Variants in ABLIM2 observed in about 807,000 individuals in gnomAD.
The protein encoded by ABLIM2 is actin binding LIM protein family member 2, also known as actin-binding LIM protein 2.
ABLIM2 carries 53 observed loss-of-function variants against 97.7 expected under a neutral mutation model. The ratio of observed to expected loss-of-function variants is 0.54; its 90% CI spans 0.44 to 0.68. ABLIM2 has a LOEUF of 0.68. Among genes scored for constraint, ABLIM2 ranks in the 30% least tolerant of loss-of-function variants. ABLIM2 has a pLI of 0.00. For synonymous variants in ABLIM2, 361 were observed against 345.8 expected (o/e 1.04, Z -0.49); for missense variants, 835 against 867.2 (o/e 0.96, Z 0.47).
rs1426667433 is a variant in ABLIM2, at chr4:8,128,290, AC to A, written c.11-21654del. Among the ~76,000 whole-genome samples the A allele has an allele frequency of 6.6e-6, 1 of 152,076 alleles. No homozygotes were observed. The highest frequency in any genetic ancestry group is 1.5e-5 in the Non-Finnish European group (1 of 68,012). On this transcript the variant is annotated intron_variant, in intron 1 of 20. Transcript: ENST00000447017. The surrounding 1 kb of genome is among the most constrained non-coding windows in gnomAD (Gnocchi z 4.9). ...CCTCATCTCCATCTTTACCATAATT[AC>A]ATACGGAAACACCCAAACAAGGTCA...
At chr4:8,105,934 G>A (rs1329016851) in intron 2 of ABLIM2, among the ~76,000 whole-genome samples, 2 of 150,052 alleles carry the variant, frequency 1.3e-5, no homozygotes, top group Non-Finnish European at 1.5e-5. Flanking sequence ...GGGGCCTCAC[G>A]TGATTTTTTT....
At chr4:8,010,559 A>T (rs528942988) in intron 14 of ABLIM2, 537 of 985,928 alleles carry the variant, frequency 5.4e-4, no homozygotes, top group Non-Finnish European at 6.0e-4. Context: ...CCTTGACAAG[A>T]TAAGGCCAAA....
At position 8,085,454 on chromosome 4, in the gene ABLIM2, T is replaced by C. The variant is rs77730745; in HGVS notation, c.454+2715A>G. Among the ~76,000 whole-genome samples, 15,907 of 152,058 alleles carry C rather than the reference T, an allele frequency of 0.1. 1,293 individuals are homozygous for C. Among genetic ancestry groups the C allele is most frequent in the African/African-American group, 0.22 (9,147 of 41,438 alleles). On this transcript the variant is annotated intron_variant, in intron 4 of 20. Coordinates refer to ENST00000447017, the MANE Select transcript of ABLIM2 (RefSeq NM_001130083.2). The surrounding 1 kb of genome is among the most constrained non-coding windows in gnomAD (Gnocchi z 6.1). ...CCATTCCCATTCCCCGCCCCCACGC[T>C]GCAGCCCCGTCCACTCACACGGGTC...
chr4:7,993,277 G>A (rs1460579312), intron 16 of ABLIM2, among the ~76,000 whole-genome samples: 1 of 152,254 alleles, frequency 6.6e-6, no homozygotes, highest in African/African-American at 2.4e-5. Flanking sequence ...GAGTCAGGAA[G>A]GGGCGCAGTC....
At chr4:8,040,096 T>G (rs1222255292) in intron 9 of ABLIM2, among the ~76,000 whole-genome samples, 1 of 152,148 alleles carries the variant, frequency 6.6e-6, no homozygotes, top group Non-Finnish European at 1.5e-5. Flanking sequence ...TGCATTCCTG[T>G]GCACGTGAAT....
At chr4:8,107,921 G>T (rs1838279355) in intron 1 of ABLIM2, among the ~76,000 whole-genome samples, 1 of 152,178 alleles carries the variant, frequency 6.6e-6, no homozygotes, top group African/African-American at 2.4e-5. Flanking sequence ...ACACATTGCT[G>T]GCTTTGAAGG....
chr4:7,986,621 T>C lies in ABLIM2; in HGVS notation c.1681-1728A>G, dbSNP rs1354720670. Among the ~76,000 whole-genome samples the C allele has an allele frequency of 6.6e-6, 1 of 152,214 alleles. No homozygotes were observed. Among genetic ancestry groups the C allele is most frequent in the African/African-American group, 2.4e-5 (1 of 41,446 alleles). ...GCCTGGACCCTGAGCCAGGGTCCTC[T>C]TGCCTCCACCACTTCACAAAATAAT... On this transcript the variant is annotated intron_variant, in intron 17 of 20. Transcript: ENST00000447017. This position sits in a 1 kb window ranked among gnomAD's most constrained non-coding sequence, Gnocchi z 4.3.
rs775676001 is a variant in ABLIM2, at chr4:8,022,432, C to A, written c.1268-2129G>T. On this transcript the variant is annotated intron_variant, in intron 12 of 20. Coordinates refer to ENST00000447017, the MANE Select transcript of ABLIM2 (RefSeq NM_001130083.2). The surrounding 1 kb of genome is among the most constrained non-coding windows in gnomAD (Gnocchi z 7.8). The stretch of plus-strand genomic sequence containing the variant: ...TGAGGAGGGTCCGGAGACTCATCAG[C>A]TTTCATCAGATACTTGGAGGGGCCT... 1.3e-5 allele frequency among the ~76,000 whole-genome samples: 2 copies of A among 152,212 alleles called. No homozygotes were observed. The highest frequency in any genetic ancestry group is 2.9e-5 in the Non-Finnish European group (2 of 68,034).
chr4:8,092,689 C>T (rs1829474171), intron 3 of ABLIM2, among the ~76,000 whole-genome samples: 1 of 152,046 alleles, frequency 6.6e-6, no homozygotes, highest in Non-Finnish European at 1.5e-5. Context: ...CTGAAGTGTC[C>T]CAAACCCCCT....
intron 1 of ABLIM2, among the ~76,000 whole-genome samples, chr4:8,152,855 C>T (rs1354816681): frequency 1.3e-5 from 2 of 152,168 alleles, no homozygotes; most frequent in Non-Finnish European, 2.9e-5. Flanking sequence ...TGGGGAGGGG[C>T]AGCAATGGAA....
rs1167615555 is a variant in ABLIM2 at position 7,980,941 on chromosome 4, A to ATTTTTTTTTTTT, written c.1824+2311_1824+2322dup. 3.6e-5 allele frequency among the ~76,000 whole-genome samples: 3 copies of ATTTTTTTTTTTT among 82,982 alleles called. 1 individual carries two copies. Among genetic ancestry groups the ATTTTTTTTTTTT allele is most frequent in the East Asian group, 1.1e-3 (2 of 1,780 alleles). The allele number at this position is 82,982 out of a possible 152,430, so 54.4% of individuals were successfully genotyped here. A position where few individuals can be genotyped will look rare whatever the true frequency, so the allele number is the denominator to read the frequency against. On this transcript the variant is annotated intron_variant, in intron 20 of 20. Transcript: ENST00000447017. ...AGAACCATGGTCTCCACAACCCCTT[A>ATTTTTTTTTTTT]TTTTTTTTTTTTTTTTTTTTGAGAT...
In ABLIM2 at chr4:8,001,531, T is replaced by C. The variant is rs1757192212; in HGVS notation, c.1618+6528A>G. Among the ~76,000 whole-genome samples the C allele has an allele frequency of 6.6e-6, 1 of 152,124 alleles. No homozygotes were observed. The highest frequency in any genetic ancestry group is 1.5e-5 in the Non-Finnish European group (1 of 67,982). On this transcript the variant is annotated intron_variant, in intron 16 of 20. Transcript: ENST00000447017. The surrounding 1 kb of genome is among the most constrained non-coding windows in gnomAD (Gnocchi z 4.2). ...CCAGCCACAGCATCTTCTCCTGGGC[T>C]GGGGTCCTCGCCCTGACCTCTGGAG...
rs189412907 is a variant in ABLIM2, at chr4:8,084,039, G to A, written c.455-3237C>T. 3.3e-5 allele frequency among the ~76,000 whole-genome samples: 5 copies of A among 152,134 alleles called. No individual in the cohort carries two copies. The East Asian group carries it at 9.7e-4, about 29-fold the overall frequency. On this transcript the variant is annotated intron_variant, in intron 4 of 20. Transcript: ENST00000447017. ...CCTCAGGTCTAACTGGGGGTCAGGG[G>A]AGTAGGGGGGAGTCTCAGATTCTAG...
At chr4:8,016,469 T>C (rs113163689) in intron 14 of ABLIM2, among the ~76,000 whole-genome samples, 5,434 of 152,052 alleles carry the variant, frequency 0.036, 360 homozygotes, top group African/African-American at 0.12. Flanking sequence ...GCCCCACGGG[T>C]TATATGGCCT....
chr4:8,081,089 G>A (rs1440477649), intron 4 of ABLIM2, among the ~76,000 whole-genome samples: 1 of 152,134 alleles, frequency 6.6e-6, no homozygotes, highest in African/African-American at 2.4e-5. Context: ...TGTCTTGCAG[G>A]AGAGCGGAGT....
At chr4:8,135,300 C>T (rs1850029997) in intron 1 of ABLIM2, among the ~76,000 whole-genome samples, 1 of 152,182 alleles carries the variant, frequency 6.6e-6, no homozygotes, top group South Asian at 2.1e-4. Flanking sequence ...ACCGGGGCAG[C>T]CAGAAAGTGG....
intron 14 of ABLIM2, among the ~76,000 whole-genome samples, chr4:8,018,162 G>A (rs1353738619): frequency 2.6e-5 from 4 of 152,128 alleles, no homozygotes; most frequent in African/African-American, 9.7e-5. Flanking sequence ...CCTTTCTAAG[G>A]GGCAGACCCC....
chr4:7,993,260 C>G (rs984350905), intron 16 of ABLIM2, among the ~76,000 whole-genome samples: 5 of 152,232 alleles, frequency 3.3e-5, no homozygotes, highest in Non-Finnish European at 4.4e-5. Context: ...GACAGGGGAG[C>G]TGAGCAGAGT....
At chr4:7,973,221 G>A (rs1485231422) in intron 20 of ABLIM2, among the ~76,000 whole-genome samples, 1 of 152,022 alleles carries the variant, frequency 6.6e-6, no homozygotes, top group Non-Finnish European at 1.5e-5. Flanking sequence ...TAAGAAAGCT[G>A]AGGTGTCGGC....
Sources: gnomAD v4.1 joint callset for allele counts (sites outside exome capture counted in the v4.1 genomes callset) on GRCh38, gnomAD v4.1.1 for gene constraint, Gnocchi (gnomAD v3.1) non-coding constraint, MANE v1.5 for transcripts, NCBI Gene and HGNC (gene_info 2026-07-23, HGNC 2026-07-21) for gene names.